SAMD3: variants seen among roughly 807,000 people sequenced by gnomAD.
SAMD3 encodes sterile alpha motif domain containing 3.
In SAMD3, 63 loss-of-function variants were observed where a neutral mutation model predicts 58.5. The observed-to-expected ratio is 1.08, with a 90% confidence interval of 0.88 to 1.33. The LOEUF (loss-of-function observed/expected upper bound fraction) is 1.33. Among genes scored for constraint, SAMD3 ranks in the 40% most tolerant of loss-of-function variants. SAMD3 has a pLI of 0.00. For synonymous variants in SAMD3, 220 were observed against 210.3 expected, an observed-to-expected ratio of 1.05 and a Z score of -0.40; for missense variants, 604 against 608.4, an observed-to-expected ratio of 0.99 and a Z score of 0.08.
rs144249057 is a variant in SAMD3, at chr6:130,144,747, C to T, written c.1336G>A (p.Glu446Lys). 41 of 1,613,994 alleles carry T rather than the reference C, an allele frequency of 2.5e-5. No individual in the cohort carries two copies. The highest frequency in any genetic ancestry group is 1.6e-4 in the South Asian group (15 of 91,046). Residue 446 changes from glutamate (E) to lysine (K), a missense_variant, in exon 12 of 12, where the codon GAA (glutamate) becomes AAA (lysine). Glu to Lys is a moderately conservative substitution (Grantham distance 56). Coordinates refer to ENST00000439090, the MANE Select transcript of SAMD3 (RefSeq NM_001017373.4). ...TCCCTTTCTAAATATAAAGAAAATTCGCAGACCTCCATGTTGAAAGGGTTT... is the reference window on the plus strand; with the variant it reads ...TCCCTTTCTAAATATAAAGAAAATTTGCAGACCTCCATGTTGAAAGGGTTT... The part of the protein sequence containing the change: ...VKNPFNMEVC[E>K]FSLYLERERL...
intron 11 of SAMD3, among the ~76,000 whole-genome samples, chr6:130,145,052 G>A (rs1442215048): frequency 6.6e-6 from 1 of 152,178 alleles, no homozygotes; most frequent in Non-Finnish European, 1.5e-5. Context: ...CTGAGGTCAG[G>A]AGTTCCAGAC....
chr6:130,294,818 AT>A (rs1380119760), intron 2 of SAMD3, among the ~76,000 whole-genome samples: 5 of 140,044 alleles, frequency 3.6e-5, no homozygotes, highest in African/African-American at 1.3e-4. Flanking sequence ...TACCTTGATT[AT>A]TTGCAGGCAA....
At chr6:130,308,030 C>T (rs2114983075) in intron 2 of SAMD3, among the ~76,000 whole-genome samples, 1 of 152,262 alleles carries the variant, frequency 6.6e-6, no homozygotes, top group African/African-American at 2.4e-5. Context: ...TTTTAAAGAA[C>T]ACCCATCATT....
In SAMD3 at chr6:130,154,822, TACCTG is replaced by T; in HGVS notation, c.1021_1023+2del. Reference sequence around the variant, plus strand: ...TGTGTATATATATATAGAATAAAGATACCTGATAAGGGCACTTCAAGAAAGGAAAC... The same window carrying T: ...TGTGTATATATATATAGAATAAAGATATAAGGGCACTTCAAGAAAGGAAAC... On this transcript the variant is annotated splice_donor_variant and coding_sequence_variant, in exon 9 of 12. Transcript: ENST00000439090. LOFTEE classifies it high-confidence loss of function. 1 of 1,595,966 alleles carries T rather than the reference TACCTG, an allele frequency of 6.3e-7. No homozygotes were observed. Among genetic ancestry groups the T allele is most frequent in the Non-Finnish European group, 8.6e-7 (1 of 1,166,124 alleles).
chr6:130,237,963 C>T (rs1773223404), intron 2 of SAMD3, among the ~76,000 whole-genome samples: 1 of 152,006 alleles, frequency 6.6e-6, no homozygotes, highest in South Asian at 2.1e-4. Flanking sequence ...AAATGCTAAA[C>T]CTATTTAGCT....
chr6:130,167,704 C>T (rs1157201015), intron 8 of SAMD3, among the ~76,000 whole-genome samples: 3 of 152,136 alleles, frequency 2.0e-5, no homozygotes, highest in African/African-American at 7.2e-5. Context: ...GCTCTCTGGA[C>T]CTAAAACTAA....
At chr6:130,298,454 G>A (rs953228168) in intron 2 of SAMD3, among the ~76,000 whole-genome samples, 2 of 152,054 alleles carry the variant, frequency 1.3e-5, no homozygotes, top group Non-Finnish European at 2.9e-5. Flanking sequence ...ATCATATAAG[G>A]CAATTATATA....
chr6:130,274,147 G>C (rs1774687115), intron 2 of SAMD3, among the ~76,000 whole-genome samples: 1 of 152,048 alleles, frequency 6.6e-6, no homozygotes, highest in African/African-American at 2.4e-5. Flanking sequence ...GAACAGTTTT[G>C]CTGGGTATCG....
Position 130,310,687 on chromosome 6 carries a change from A to T in SAMD3, c.-188+2291T>A, listed in dbSNP as rs1562514645. Among the ~76,000 whole-genome samples, 3 of 152,352 alleles carry T rather than the reference A, an allele frequency of 2.0e-5. No homozygotes were observed. The South Asian group carries it at 6.2e-4, about 32-fold the overall frequency. ...ACAGTAAACGTGCTCTCTGCAGATAATTTAACACCTGTGTATTTCTATGCC... is the reference window on the plus strand; with the variant it reads ...ACAGTAAACGTGCTCTCTGCAGATATTTTAACACCTGTGTATTTCTATGCC... On this transcript the variant is annotated intron_variant, in intron 2 of 13. Coordinates refer to the SAMD3 transcript ENST00000368134.
intron 5 of SAMD3, among the ~76,000 whole-genome samples, chr6:130,191,379 A>G (rs949213069): frequency 9.8e-5 from 15 of 152,304 alleles, no homozygotes; most frequent in Middle Eastern, 3.4e-3. Context: ...CAGGAAGAGG[A>G]AAATAACTAT....
At position 130,184,635 on chromosome 6, in the gene SAMD3, A is replaced by G; in HGVS notation, c.384-12T>C. On this transcript the variant is annotated splice_polypyrimidine_tract_variant and intron_variant, in intron 5 of 11. Coordinates refer to ENST00000439090, the MANE Select transcript of SAMD3 (RefSeq NM_001017373.4). Reference sequence around the variant, plus strand: ...GTTTCACATTTCTTCTGTGAAATAAAAACACACAAAGAATGAAATTCTATT... The same window carrying G: ...GTTTCACATTTCTTCTGTGAAATAAGAACACACAAAGAATGAAATTCTATT... 2 of 1,594,922 alleles carry G rather than the reference A, an allele frequency of 1.3e-6. No individual in the cohort carries two copies. Among genetic ancestry groups the G allele is most frequent in the East Asian group, 2.2e-5 (1 of 44,624 alleles).
chr6:130,155,105 A>T, intron 8 of SAMD3, 80 bp from the exon 9 acceptor site: 1 of 1,062,810 alleles, frequency 9.4e-7, no homozygotes, highest in Non-Finnish European at 1.4e-6. Flanking sequence ...GCACACTCTT[A>T]ACTCATTCCT....
chr6:130,310,510 A>T (rs1337504196), intron 2 of SAMD3, among the ~76,000 whole-genome samples: 4 of 152,220 alleles, frequency 2.6e-5, no homozygotes, highest in African/African-American at 9.6e-5. Flanking sequence ...AATATACCAC[A>T]TTATAACAAA....
chr6:130,171,647 A>C, intron 8 of SAMD3, among the ~76,000 whole-genome samples: 1 of 152,246 alleles, frequency 6.6e-6, no homozygotes, highest in East Asian at 1.9e-4. Context: ...CAATTTTAGA[A>C]TACGTGCTGT....
At chr6:130,281,832 G>A (rs1004019264) in intron 2 of SAMD3, among the ~76,000 whole-genome samples, 2 of 151,992 alleles carry the variant, frequency 1.3e-5, no homozygotes, top group Non-Finnish European at 2.9e-5. Flanking sequence ...AGAATCACTT[G>A]AAGTCAGGAG....
At chr6:130,327,031 C>G (rs1546554) in intron 1 of SAMD3, among the ~76,000 whole-genome samples, 19,923 of 152,160 alleles carry the variant, frequency 0.13, 1,686 homozygotes, top group East Asian at 0.36. Context: ...TTTCTTTTCA[C>G]AGGAAAGCAT....
intron 1 of SAMD3, among the ~76,000 whole-genome samples, chr6:130,348,056 T>C (rs1369536186): frequency 6.6e-6 from 1 of 152,078 alleles, no homozygotes. Flanking sequence ...CAGGCCTGCC[T>C]TACAAGAGCT....
At chr6:130,221,699 G>T (rs1353064890) in intron 1 of SAMD3, 1 of 152,326 alleles carries the variant, frequency 6.6e-6, no homozygotes, top group African/African-American at 2.4e-5. Context: ...GGCTGAGGAG[G>T]AGGAGGAGGA....
intron 5 of SAMD3, among the ~76,000 whole-genome samples, chr6:130,205,352 G>A (rs142292667): frequency 2.4e-3 from 372 of 151,948 alleles, no homozygotes; most frequent in Middle Eastern, 0.014. Context: ...CACCTAGGCT[G>A]GAGTGCAATG....
Sources: gnomAD v4.1 joint callset for allele counts (sites outside exome capture counted in the v4.1 genomes callset) on GRCh38, gnomAD v4.1.1 for gene constraint, MANE v1.5 for transcripts, NCBI Gene and HGNC (gene_info 2026-07-23, HGNC 2026-07-21) for gene names.